The following GABRA3 variants were observed in gnomAD, a reference collection of about 807,000 sequenced individuals.
GABRA3 encodes gamma-aminobutyric acid type A receptor subunit alpha3, also known as gamma-aminobutyric acid receptor subunit alpha-3.
Under a neutral mutation model 30.1 loss-of-function variants are expected in GABRA3, and 10 were observed. The observed-to-expected ratio is 0.33, with a 90% CI of 0.20 to 0.56. The LOEUF is 0.56. Ranked by LOEUF, GABRA3 falls within the 20% of genes least tolerant of loss-of-function variation. The pLI is 0.89. For synonymous variants in GABRA3, 151 were observed against 146.8 expected (o/e 1.03, Z -0.21); for missense variants, 233 against 392.0 (o/e 0.59, Z 3.42).
chrX:152,345,748 G>A, intron 2 of GABRA3, 46 bp from the exon 3 acceptor site: 1 of 1,092,830 alleles, frequency 9.2e-7, no homozygotes, highest in Non-Finnish European at 1.2e-6. Context: ...TTCTTAATAG[G>A]AAAAAAAATA....
chrX:152,250,862 T>C (rs11796945), intron 5 of GABRA3, among the ~76,000 whole-genome samples: 10,114 of 110,748 alleles, frequency 0.091, 346 homozygotes, highest in South Asian at 0.14. Flanking sequence ...GTCAAAATAA[T>C]AATAGGGGTG....
chrX:152,252,268 T>C (rs1938569279), intron 5 of GABRA3, among the ~76,000 whole-genome samples: 1 of 111,804 alleles, frequency 8.9e-6, no homozygotes, highest in Non-Finnish European at 1.9e-5. Flanking sequence ...AACACTAATA[T>C]CCTCCATGTT....
rs1041851599 is a variant in GABRA3, at chrX:152,181,981, C to T, written c.1143+7749G>A. Among the ~76,000 whole-genome samples the T allele has an allele frequency of 6.3e-5, 7 of 110,552 alleles. No homozygotes were observed. The Admixed American group carries it at 6.8e-4, about 11-fold the overall frequency. ...GTGGACATACCTGTCTTGCTGCTAA[C>T]CTTGGAGAAAAAGCTTTTAACTTTT... On this transcript the variant is annotated intron_variant, in intron 9 of 9. Transcript: ENST00000370314.
intron 5 of GABRA3, among the ~76,000 whole-genome samples, chrX:152,234,539 C>G (rs1233532004): frequency 1.8e-5 from 2 of 111,427 alleles, no homozygotes; most frequent in Non-Finnish European, 3.8e-5. Context: ...GTCATAAATT[C>G]TTTGCCAAGG....
At chrX:152,413,981 T>C (rs899967390) in intron 1 of GABRA3, among the ~76,000 whole-genome samples, 1 of 111,119 alleles carries the variant, frequency 9.0e-6, no homozygotes, top group South Asian at 3.7e-4. Flanking sequence ...TATTTCTATA[T>C]ACTAGCAACA....
chrX:152,424,928 C>CTTTTTTTTTTTTT (rs747255822), intron 1 of GABRA3, among the ~76,000 whole-genome samples: 3 of 42,358 alleles, frequency 7.1e-5, no homozygotes, highest in Non-Finnish European at 1.2e-4. Flanking sequence ...TTTTTCTTTT[C>CTTTTTTTTTTTTT]TTTTTTTTTT....
chrX:152,428,865 T>C lies in GABRA3; in HGVS notation c.-27+22281A>G, dbSNP rs145064993. Among the ~76,000 whole-genome samples, 47 of 111,525 alleles carry C rather than the reference T, an allele frequency of 4.2e-4. No individual in the cohort carries two copies. In the East Asian group the frequency reaches 0.013, roughly 31 times the overall value. ...GGTTTTTTCTCAAGTTAGTCCCAGC[T>C]GAAAACTGAGAAAGATGGATTGAAA... On this transcript the variant is annotated intron_variant, in intron 1 of 9. Coordinates refer to ENST00000370314, the MANE Select transcript of GABRA3 (RefSeq NM_000808.4).
At chrX:152,234,685 G>A (rs780467185) in intron 5 of GABRA3, among the ~76,000 whole-genome samples, 13 of 111,314 alleles carry the variant, frequency 1.2e-4, no homozygotes, top group East Asian at 8.5e-4. Context: ...CTTCTTCTGC[G>A]TATTGCAACC....
At chrX:152,281,966 GT>G (rs1338851582) in intron 4 of GABRA3, among the ~76,000 whole-genome samples, 2 of 111,859 alleles carry the variant, frequency 1.8e-5, no homozygotes, top group Non-Finnish European at 3.8e-5. Flanking sequence ...AAAGTTGGGA[GT>G]TTGCCATGTA....
At chrX:152,203,713 C>T (rs775401476) in intron 7 of GABRA3, among the ~76,000 whole-genome samples, 4 of 111,320 alleles carry the variant, frequency 3.6e-5, no homozygotes, top group African/African-American at 1.3e-4. Context: ...GGCTTGTGGC[C>T]CCATTTGTCA....
At position 152,338,820 on chromosome X, in the gene GABRA3, C is replaced by T. The variant is rs185004656; in HGVS notation, c.262+6761G>A. Among the ~76,000 whole-genome samples the T allele has an allele frequency of 4.4e-3, 497 of 111,870 alleles. 3 individuals carry two copies. The highest frequency in any genetic ancestry group is 0.015 in the African/African-American group (470 of 30,799). On this transcript the variant is annotated intron_variant, in intron 3 of 9. Coordinates refer to ENST00000370314, the MANE Select transcript of GABRA3 (RefSeq NM_000808.4). ...TATCATTGTATGTTCTTGGATCTTT[C>T]GTCCAAGATAAATTGGCTGTAAACA...
At chrX:152,352,044 C>T (rs188004621) in intron 2 of GABRA3, among the ~76,000 whole-genome samples, 1 of 111,166 alleles carries the variant, frequency 9.0e-6, no homozygotes, top group Non-Finnish European at 1.9e-5. Context: ...TCAAAGATCA[C>T]CAATCACAGA....
rs1929242316 is a variant in GABRA3, at chrX:152,384,466, T to C, written c.-26-19870A>G. Among the ~76,000 whole-genome samples the C allele has an allele frequency of 3.6e-5, 4 of 112,048 alleles. No homozygotes were observed. The South Asian group carries it at 1.5e-3, about 41-fold the overall frequency. The stretch of plus-strand genomic sequence containing the variant: ...GAGAGTTCAGAAATAGATATAGGTT[T>C]ATAAGACAATTGATTTGTGACTAAA... On this transcript the variant is annotated intron_variant, in intron 1 of 9. Coordinates refer to ENST00000370314, the MANE Select transcript of GABRA3 (RefSeq NM_000808.4).
At chrX:152,301,377 G>T (rs1939627272) in intron 3 of GABRA3, among the ~76,000 whole-genome samples, 1 of 111,765 alleles carries the variant, frequency 8.9e-6, no homozygotes, top group Admixed American at 9.5e-5. Flanking sequence ...GTTTCTTTGG[G>T]CTCAAGAGAA....
intron 1 of GABRA3, among the ~76,000 whole-genome samples, chrX:152,392,764 C>A (rs1929526122): frequency 8.9e-6 from 1 of 112,241 alleles, no homozygotes; most frequent in South Asian, 3.7e-4. Flanking sequence ...CACAGGTACA[C>A]AAAAGTAGTT....
chrX:152,296,238 A>G (rs1939525637), intron 3 of GABRA3, among the ~76,000 whole-genome samples: 1 of 111,909 alleles, frequency 8.9e-6, no homozygotes, highest in African/African-American at 3.2e-5. Context: ...CTCCCAGGTG[A>G]CTAGCTATCT....
intron 3 of GABRA3, among the ~76,000 whole-genome samples, chrX:152,332,319 C>T (rs748857932): frequency 5.4e-5 from 6 of 111,811 alleles, no homozygotes; most frequent in Non-Finnish European, 3.8e-5. Flanking sequence ...AATTCATTCC[C>T]TGGGTTCCTT....
chrX:152,328,433 C>A (rs1196173013), intron 3 of GABRA3, among the ~76,000 whole-genome samples: 1 of 111,452 alleles, frequency 9.0e-6, no homozygotes, highest in African/African-American at 3.3e-5. Flanking sequence ...TGATGAACAT[C>A]GATGCAAAAA....
chrX:152,344,518 T>C (rs943531249), intron 3 of GABRA3, among the ~76,000 whole-genome samples: 1 of 112,016 alleles, frequency 8.9e-6, no homozygotes, highest in Admixed American at 9.5e-5. Context: ...TCTATAGTTG[T>C]TAAGACTATT....
Sources: gnomAD v4.1 joint callset for allele counts (sites outside exome capture counted in the v4.1 genomes callset) on GRCh38, gnomAD v4.1.1 for gene constraint, MANE v1.5 for transcripts, NCBI Gene and HGNC (gene_info 2026-07-23, HGNC 2026-07-21) for gene names.